LZTFL1: variants seen among roughly 807,000 people sequenced by gnomAD.
The protein encoded by LZTFL1 is leucine zipper transcription factor-like protein 1.
LZTFL1 carries 25 observed loss-of-function variants against 45.9 expected under a neutral mutation model. The observed-to-expected ratio is 0.54, with a 90% CI of 0.40 to 0.76. LZTFL1 has a LOEUF of 0.76. Among genes scored for constraint, LZTFL1 ranks in the 30% least tolerant of loss-of-function variants. The pLI is 0.00. For missense variants in LZTFL1, 277 were observed against 331.1 expected (o/e 0.84, Z 1.27); for synonymous variants, 93 against 117.4 (o/e 0.79, Z 1.35).
rs944119215 is a variant in LZTFL1, at chr3:45,901,228, C to T, written c.-215+11892G>A. 2 of 1,614,126 alleles carry T rather than the reference C, an allele frequency of 1.2e-6. No homozygotes were observed. Among genetic ancestry groups the T allele is most frequent in the Non-Finnish European group, 1.7e-6 (2 of 1,179,972 alleles). ...TGCATCAGCGTGGACAGGTACATTG[C>T]CATTGCCCAGGCCATGAGAGCACAT... On this transcript the variant is annotated intron_variant, in intron 2 of 4. Coordinates refer to the LZTFL1 transcript ENST00000472635. The surrounding 1 kb of genome is among the most constrained non-coding windows in gnomAD (Gnocchi z 4.3).
intron 2 of LZTFL1, among the ~76,000 whole-genome samples, chr3:45,906,636 G>T (rs1184388489): frequency 6.6e-6 from 1 of 152,192 alleles, no homozygotes; most frequent in Non-Finnish European, 1.5e-5. Flanking sequence ...CACCATGAAG[G>T]TGTGCTGGCA....
At chr3:45,880,446 G>A (rs2125725848) in intron 2 of LZTFL1, among the ~76,000 whole-genome samples, 1 of 152,222 alleles carries the variant, frequency 6.6e-6, no homozygotes, top group African/African-American at 2.4e-5. Flanking sequence ...AGGTTGCAGT[G>A]AGCCGAGATC....
chr3:45,886,393 T>G (rs914876654), intron 2 of LZTFL1: 1 of 152,292 alleles, frequency 6.6e-6, no homozygotes, highest in African/African-American at 2.4e-5. Context: ...GTTTTCAGCT[T>G]TTTGTTTCTG....
At chr3:45,876,398 G>T (rs930637796) in intron 2 of LZTFL1, among the ~76,000 whole-genome samples, 1 of 152,176 alleles carries the variant, frequency 6.6e-6, no homozygotes, top group African/African-American at 2.4e-5. Flanking sequence ...CTTTGGCACC[G>T]TGTGGGTGCC....
rs1384173880 is a variant in LZTFL1 at position 45,825,616 on chromosome 3, T to G, written c.*698A>C. ...TAAACTGTAGAAGTGCAGGATGGAT[T>G]TGACTTATCCATTAGTAATACAGAC... On this transcript the variant is annotated 3_prime_UTR_variant, in exon 10 of 10. Coordinates refer to ENST00000296135, the MANE Select transcript of LZTFL1 (RefSeq NM_020347.4). The G allele has an allele frequency of 6.6e-6, 1 of 152,164 alleles. No homozygotes were observed. Among genetic ancestry groups the G allele is most frequent in the African/African-American group, 2.4e-5 (1 of 41,458 alleles). The allele number at this position is 152,164 out of a possible 1,614,324, so 9.4% of individuals were successfully genotyped here.
intron 2 of LZTFL1, among the ~76,000 whole-genome samples, chr3:45,911,407 T>C (rs1436261853): frequency 6.6e-6 from 1 of 152,218 alleles, no homozygotes; most frequent in African/African-American, 2.4e-5. Flanking sequence ...TTCTCAATGA[T>C]AACAGCTATC....
At chr3:45,862,109 G>A (rs991113541) in intron 2 of LZTFL1, among the ~76,000 whole-genome samples, 1 of 152,154 alleles carries the variant, frequency 6.6e-6, no homozygotes, top group Non-Finnish European at 1.5e-5. Flanking sequence ...ATATATGTGA[G>A]GCACCATCTT....
chr3:45,913,230 A>T, intron 1 of LZTFL1: 1 of 1,269,340 alleles, frequency 7.9e-7, no homozygotes, highest in South Asian at 1.3e-5. Flanking sequence ...TGTTACTATT[A>T]ACAAACCAGT....
At chr3:45,884,823 A>ACAT (rs1701937400) in intron 2 of LZTFL1, among the ~76,000 whole-genome samples, 1 of 152,354 alleles carries the variant, frequency 6.6e-6, no homozygotes, top group Admixed American at 6.5e-5. Flanking sequence ...AAGTAAGGGA[A>ACAT]CATCTTCTTC....
intron 1 of LZTFL1, among the ~76,000 whole-genome samples, chr3:45,839,424 C>T (rs1430346102): frequency 6.6e-6 from 1 of 152,192 alleles, no homozygotes; most frequent in East Asian, 1.9e-4. Context: ...TATAGTATTA[C>T]ATTTACACTC....
intron 4 of LZTFL1, among the ~76,000 whole-genome samples, chr3:45,850,456 C>T (rs1429900458): frequency 6.6e-6 from 1 of 152,196 alleles, no homozygotes; most frequent in Admixed American, 6.5e-5. Flanking sequence ...CATGGAGAGG[C>T]ACCAGTACAC....
At chr3:45,894,320 G>A (rs554945161) in intron 2 of LZTFL1, among the ~76,000 whole-genome samples, 6 of 152,286 alleles carry the variant, frequency 3.9e-5, no homozygotes, top group Middle Eastern at 3.4e-3. Flanking sequence ...TGGGGGCACC[G>A]GGTCTTTTAG....
intron 2 of LZTFL1, among the ~76,000 whole-genome samples, chr3:45,868,212 A>AT (rs921868384): frequency 8.8e-5 from 13 of 147,662 alleles, no homozygotes; most frequent in East Asian, 1.9e-4. Flanking sequence ...AAGTATTTTA[A>AT]TTTTTTTGCA....
chr3:45,880,784 G>A (rs1452137876), intron 2 of LZTFL1, among the ~76,000 whole-genome samples: 1 of 152,062 alleles, frequency 6.6e-6, no homozygotes, highest in African/African-American at 2.4e-5. Flanking sequence ...GGCCTTAAGT[G>A]TCACTACTGT....
chr3:45,864,467 C>A (rs1248514449), intron 2 of LZTFL1, among the ~76,000 whole-genome samples: 3 of 152,040 alleles, frequency 2.0e-5, no homozygotes, highest in Non-Finnish European at 4.4e-5. Context: ...TATGGTATGT[C>A]CATATCTGAA....
At chr3:45,872,380 GA>G (rs1445848825) in intron 2 of LZTFL1, among the ~76,000 whole-genome samples, 1 of 152,116 alleles carries the variant, frequency 6.6e-6, no homozygotes, top group Admixed American at 6.5e-5. Context: ...GAGAGGTCCG[GA>G]CATTTTAGAA....
intron 2 of LZTFL1, among the ~76,000 whole-genome samples, chr3:45,912,633 C>T (rs1702817279): frequency 6.6e-6 from 1 of 152,190 alleles, no homozygotes; most frequent in Non-Finnish European, 1.5e-5. Context: ...ACCATCCTAG[C>T]CTAGCCAGCC....
intron 4 of LZTFL1, among the ~76,000 whole-genome samples, chr3:45,848,161 A>G (rs918473635): frequency 3.3e-5 from 5 of 152,228 alleles, no homozygotes; most frequent in Non-Finnish European, 5.9e-5. Context: ...GCAATCCTAT[A>G]CCCACATAAA....
At chr3:45,880,389 C>T (rs1387078244) in intron 2 of LZTFL1, among the ~76,000 whole-genome samples, 1 of 152,054 alleles carries the variant, frequency 6.6e-6, no homozygotes, top group Non-Finnish European at 1.5e-5. Flanking sequence ...GTAATCCCAG[C>T]TACTCAGGAA....
Sources: allele counts gnomAD v4.1 joint callset (sites outside exome capture counted in the v4.1 genomes callset), GRCh38; gene constraint gnomAD v4.1.1; non-coding constraint Gnocchi (gnomAD v3.1); transcripts MANE v1.5; gene names NCBI Gene and HGNC (gene_info 2026-07-23, HGNC 2026-07-21).